Variants in MECOM observed in about 807,000 individuals in gnomAD.
The protein encoded by MECOM is histone-lysine N-methyltransferase MECOM.
MECOM carries 13 observed loss-of-function variants against 116.3 expected under a neutral mutation model. That is an observed-to-expected ratio of 0.11 (90% confidence interval 0.07 to 0.18). The LOEUF (loss-of-function observed/expected upper bound fraction) is 0.18. Among genes scored for constraint, MECOM ranks in the 10% least tolerant of loss-of-function variants. MECOM has a pLI of 1.00. For missense variants in MECOM, 1,299 were observed against 1,509.0 expected (o/e 0.86, Z 2.31); for synonymous variants, 528 against 535.2 (o/e 0.99, Z 0.19).
At chr3:169,209,974 C>T (rs1750498045) in intron 2 of MECOM, among the ~76,000 whole-genome samples, 3 of 152,084 alleles carry the variant, frequency 2.0e-5, no homozygotes, top group Admixed American at 1.3e-4. Flanking sequence ...CAATGATAGA[C>T]ACAATAAAGA....
chr3:169,439,985 C>CAT (rs1475603996), intron 1 of MECOM, among the ~76,000 whole-genome samples: 4 of 152,038 alleles, frequency 2.6e-5, no homozygotes, highest in African/African-American at 9.7e-5. Flanking sequence ...TTTGGTAATA[C>CAT]ATACATAAGC....
In MECOM at chr3:169,112,806, C is replaced by G. The variant is rs763586979; in HGVS notation, c.2558G>C (p.Gly853Ala). Residue 853 changes from glycine to alanine, a missense_variant, in exon 9 of 17, where the codon GGA becomes GCA. Physicochemically the swap from Gly to Ala is moderately conservative, Grantham distance 60 (BLOSUM62 0). This residue lies in a region of MECOM where 340 missense variants were observed against 312.6 expected (regional missense o/e 1.09). Coordinates refer to ENST00000651503, the MANE Select transcript of MECOM (RefSeq NM_004991.4). ...ACTTACTTGTGGGTGAAACAAGAAT[C>G]CTGGAGAAGGCCTCAAGTATTTCTC... The part of the protein sequence containing the change: ...LKEKYLRPSP[G>A]FLFHPQFQLP... 3 of 1,612,914 alleles carry G rather than the reference C, an allele frequency of 1.9e-6. No individual in the cohort carries two copies. The highest frequency in any genetic ancestry group is 2.5e-6 in the Non-Finnish European group (3 of 1,179,280).
At chr3:169,433,547 AAAG>A (rs774968909) in intron 1 of MECOM, among the ~76,000 whole-genome samples, 30 of 143,426 alleles carry the variant, frequency 2.1e-4, no homozygotes, top group African/African-American at 8.3e-4. Flanking sequence ...GAAAGAAAGA[AAAG>A]AAAGAAAGAG....
chr3:169,238,511 G>C (rs1754379006), intron 2 of MECOM, among the ~76,000 whole-genome samples: 1 of 152,164 alleles, frequency 6.6e-6, no homozygotes, highest in South Asian at 2.1e-4. Context: ...AAGCCCTTCA[G>C]ATTAATGTAA....
chr3:169,226,619 A>G (rs1291746636), intron 2 of MECOM, among the ~76,000 whole-genome samples: 3 of 152,162 alleles, frequency 2.0e-5, no homozygotes, highest in Non-Finnish European at 4.4e-5. Flanking sequence ...ACACCATAAC[A>G]CGGAATTAAA....
At chr3:169,422,987 G>T (rs1740020046) in intron 1 of MECOM, among the ~76,000 whole-genome samples, 1 of 152,048 alleles carries the variant, frequency 6.6e-6, no homozygotes. Context: ...CTGGTAAGCA[G>T]AAAAAATAAC....
intron 1 of MECOM, among the ~76,000 whole-genome samples, chr3:169,634,656 C>T (rs556072171): frequency 6.6e-6 from 1 of 152,202 alleles, no homozygotes; most frequent in Admixed American, 6.5e-5. Context: ...AACAAAGGGC[C>T]AAAGTTCTCT....
chr3:169,286,529 G>A (rs765453899), intron 2 of MECOM, among the ~76,000 whole-genome samples: 6 of 152,086 alleles, frequency 3.9e-5, no homozygotes, highest in East Asian at 1.9e-4. Context: ...TGTCTTCCAC[G>A]GTTGACAACG....
At chr3:169,596,042 G>T (rs1174374365) in intron 1 of MECOM, among the ~76,000 whole-genome samples, 2 of 152,146 alleles carry the variant, frequency 1.3e-5, no homozygotes, top group African/African-American at 2.4e-5. Flanking sequence ...CTAGCTAATT[G>T]AAAATATAAT....
intron 2 of MECOM, among the ~76,000 whole-genome samples, chr3:169,158,637 A>G (rs1352147968): frequency 6.6e-6 from 1 of 152,186 alleles, no homozygotes; most frequent in African/African-American, 2.4e-5. Context: ...GCTCGGCCGA[A>G]GCCACGGTGG....
chr3:169,433,908 C>A (rs1439870214), intron 1 of MECOM, among the ~76,000 whole-genome samples: 1 of 152,064 alleles, frequency 6.6e-6, no homozygotes. Context: ...AGAGAAAAAT[C>A]CTACTTCCAA....
chr3:169,446,739 A>G (rs1744691498), intron 1 of MECOM, among the ~76,000 whole-genome samples: 3 of 152,194 alleles, frequency 2.0e-5, no homozygotes, highest in African/African-American at 4.8e-5. Flanking sequence ...TTAAGGAAAT[A>G]AAGACTGAGA....
intron 2 of MECOM, among the ~76,000 whole-genome samples, chr3:169,144,432 T>C (rs1465890337): frequency 2.0e-5 from 3 of 152,186 alleles, no homozygotes; most frequent in African/African-American, 7.2e-5. Flanking sequence ...ACTCAGGTTT[T>C]AGTTAACACA....
chr3:169,636,854 T>C (rs1313394998), intron 1 of MECOM, among the ~76,000 whole-genome samples: 1 of 151,822 alleles, frequency 6.6e-6, no homozygotes, highest in East Asian at 1.9e-4. Flanking sequence ...AAGCAAAGAG[T>C]CTTGTGTGAG....
At position 169,378,515 on chromosome 3, in the gene MECOM, A is replaced by AGC. The variant is rs1560198035; in HGVS notation, c.375+2671_375+2672insGC. ...AAAGAAAGAAAGAAAGAAAGAAAGA[A>AGC]AAGAAAGAAAGAAAGAAAGAAAGAA... On this transcript the variant is annotated intron_variant, in intron 2 of 16. Transcript: ENST00000651503. Among the ~76,000 whole-genome samples, 28 of 14,064 alleles carry AGC rather than the reference A, an allele frequency of 2.0e-3. 3 individuals carry two copies. Among genetic ancestry groups the AGC allele is most frequent in the East Asian group, 0.013 (6 of 456 alleles). 9.2% of individuals were successfully genotyped at this position (14,064 alleles called of 152,430 possible).
intron 2 of MECOM, among the ~76,000 whole-genome samples, chr3:169,349,667 C>A (rs1332616604): frequency 6.6e-6 from 1 of 151,920 alleles, no homozygotes; most frequent in Non-Finnish European, 1.5e-5. Flanking sequence ...CCCGTCTATG[C>A]TTTCTAGATA....
At chr3:169,658,158 A>T (rs751403219) in intron 1 of MECOM, among the ~76,000 whole-genome samples, 1 of 152,176 alleles carries the variant, frequency 6.6e-6, no homozygotes, top group African/African-American at 2.4e-5. Context: ...GGAGGGAACT[A>T]ATGATTTATC....
chr3:169,320,116 A>T lies in MECOM; in HGVS notation c.375+61071T>A, dbSNP rs941377620. ...GACAATCCTTTTAAGACGTGTGACG[A>T]TGAAGGGAAGGAGAGAAAAATAAGG... is the stretch of plus-strand genomic sequence containing the variant. On this transcript the variant is annotated intron_variant, in intron 2 of 16. Coordinates refer to ENST00000651503, the MANE Select transcript of MECOM (RefSeq NM_004991.4). Among the ~76,000 whole-genome samples, 55 of 152,340 alleles carry T rather than the reference A, an allele frequency of 3.6e-4. 1 individual carries two copies. The highest frequency in any genetic ancestry group is 1.3e-3 in the African/African-American group (52 of 41,576).
intron 2 of MECOM, chr3:169,145,167 CACACACACACACACACACACACAGAG>C (rs1035461505): frequency 1.5e-4 from 74 of 493,000 alleles, no homozygotes; most frequent in African/African-American, 2.4e-4. Flanking sequence ...CACACACACA[CACACACACACACACACACACACAGAG>C]AGAAATCAAA....
Sources: gnomAD v4.1 joint callset for allele counts (sites outside exome capture counted in the v4.1 genomes callset) on GRCh38, gnomAD v4.1.1 for gene constraint, gnomAD v4.1.1 regional missense constraint, MANE v1.5 for transcripts, NCBI Gene and HGNC (gene_info 2026-07-23, HGNC 2026-07-21) for gene names.